MACROD2: variants seen among roughly 807,000 people sequenced by gnomAD.
The protein encoded by MACROD2 is ADP-ribose glycohydrolase MACROD2.
A neutral mutation model predicts 70.4 loss-of-function variants in MACROD2; 36 were observed. The observed-to-expected ratio is 0.51, with a 90% CI of 0.39 to 0.68. The LOEUF (loss-of-function observed/expected upper bound fraction) is 0.68, where lower values mean the gene tolerates loss of function less well. Ranked by LOEUF, MACROD2 falls within the 30% of genes least tolerant of loss-of-function variation. The pLI is 0.00. For missense variants in MACROD2, 496 were observed against 538.4 expected (o/e 0.92, Z 0.78); for synonymous variants, 172 against 178.8 (o/e 0.96, Z 0.30).
chr20:14,806,999 T>A (rs2072647403), intron 5 of MACROD2, among the ~76,000 whole-genome samples: 1 of 151,590 alleles, frequency 6.6e-6, no homozygotes, highest in African/African-American at 2.4e-5. Flanking sequence ...GGAGAAGGAG[T>A]GGCTGTAGGC....
chr20:15,575,920 TA>T (rs1460621367), intron 8 of MACROD2, among the ~76,000 whole-genome samples: 3 of 152,226 alleles, frequency 2.0e-5, no homozygotes, highest in Admixed American at 2.0e-4. Flanking sequence ...GTTTACTTTA[TA>T]TATTTTAAAA....
At chr20:14,102,723 G>A (rs1323522035) in intron 3 of MACROD2, among the ~76,000 whole-genome samples, 1 of 152,168 alleles carries the variant, frequency 6.6e-6, no homozygotes, top group Non-Finnish European at 1.5e-5. Context: ...GTTTGAGTAG[G>A]TGATGGATGG....
At chr20:14,304,687 G>A (rs1231986067) in intron 3 of MACROD2, among the ~76,000 whole-genome samples, 7 of 151,804 alleles carry the variant, frequency 4.6e-5, no homozygotes, top group Non-Finnish European at 5.9e-5. Context: ...GGTCAATCCA[G>A]CCATCTACTC....
At chr20:14,457,915 C>A (rs1436482918) in intron 3 of MACROD2, among the ~76,000 whole-genome samples, 1 of 152,036 alleles carries the variant, frequency 6.6e-6, no homozygotes, top group African/African-American at 2.4e-5. Flanking sequence ...GCCTGGCCAA[C>A]ATGGTGAAAC....
intron 5 of MACROD2, among the ~76,000 whole-genome samples, chr20:15,022,024 C>T (rs1451962159): frequency 6.6e-6 from 1 of 152,116 alleles, no homozygotes; most frequent in East Asian, 1.9e-4. Flanking sequence ...TAAAAAAATA[C>T]ATACATTTAT....
At chr20:14,887,900 T>C (rs1053663155) in intron 5 of MACROD2, among the ~76,000 whole-genome samples, 8 of 150,914 alleles carry the variant, frequency 5.3e-5, no homozygotes, top group Non-Finnish European at 1.5e-5. Flanking sequence ...CTCTTTTGTT[T>C]AAACTATAAA....
intron 8 of MACROD2, among the ~76,000 whole-genome samples, chr20:15,707,506 G>A (rs1339753619): frequency 6.6e-6 from 1 of 152,182 alleles, no homozygotes; most frequent in African/African-American, 2.4e-5. Context: ...TTGCAAGGCT[G>A]GGCAAGGTGG....
intron 15 of MACROD2, among the ~76,000 whole-genome samples, chr20:16,036,742 A>C (rs1429864984): frequency 6.6e-6 from 1 of 152,020 alleles, no homozygotes; most frequent in Non-Finnish European, 1.5e-5. Context: ...TTCCACATGC[A>C]TGACACAGTA....
intron 2 of MACROD2, among the ~76,000 whole-genome samples, chr20:14,026,115 T>C (rs2053160856): frequency 6.6e-6 from 1 of 152,194 alleles, no homozygotes; most frequent in African/African-American, 2.4e-5. Flanking sequence ...TCTTTGTCTT[T>C]TTTGATCTTT....
At chr20:15,815,729 G>A (rs1257440283) in intron 8 of MACROD2, among the ~76,000 whole-genome samples, 8 of 152,090 alleles carry the variant, frequency 5.3e-5, no homozygotes, top group Admixed American at 5.2e-4. Flanking sequence ...TTTTTAAGTT[G>A]AAGTTATATG....
chr20:15,123,268 A>T (rs2076043455), intron 5 of MACROD2, among the ~76,000 whole-genome samples: 1 of 152,172 alleles, frequency 6.6e-6, no homozygotes, highest in Admixed American at 6.5e-5. Context: ...CTTAGGAAGA[A>T]GGAAACACTA....
intron 5 of MACROD2, among the ~76,000 whole-genome samples, chr20:14,722,890 C>CA (rs1311149834): frequency 6.6e-6 from 1 of 152,028 alleles, no homozygotes; most frequent in African/African-American, 2.4e-5. Context: ...TTATATCAGA[C>CA]AAAAAAATAA....
At chr20:14,048,284 GA>G (rs1455992140) in intron 2 of MACROD2, among the ~76,000 whole-genome samples, 5 of 152,142 alleles carry the variant, frequency 3.3e-5, no homozygotes, top group Non-Finnish European at 7.3e-5. Flanking sequence ...CAATATGCAA[GA>G]AAACAGTAAC....
intron 4 of MACROD2, among the ~76,000 whole-genome samples, chr20:14,634,964 C>T (rs954181995): frequency 2.6e-5 from 4 of 152,142 alleles, no homozygotes; most frequent in Non-Finnish European, 5.9e-5. Context: ...TTCTAGTCTT[C>T]TTTGCCAGAG....
chr20:15,499,706 A>G (rs780424159), intron 7 of MACROD2, 68 bp from the exon 8 acceptor site: 11 of 1,403,748 alleles, frequency 7.8e-6, no homozygotes, highest in Non-Finnish European at 1.0e-5. Flanking sequence ...CCAGTATCAT[A>G]GCGTGATTAG....
In MACROD2 at chr20:14,844,255, G is replaced by A. The variant is rs139060108; in HGVS notation, c.418+159296G>A. On this transcript the variant is annotated intron_variant, in intron 5 of 17. Coordinates refer to ENST00000684519, the MANE Select transcript of MACROD2 (RefSeq NM_001351661.2). ...GGCAAAGTACTGGTTCAAAAAAGTT[G>A]ATAGTCCCAGCACTTTGGGAGGCTG... is the stretch of plus-strand genomic sequence containing the variant. Among the ~76,000 whole-genome samples the A allele has an allele frequency of 3.5e-3, 534 of 152,028 alleles. 2 individuals carry two copies. The highest frequency in any genetic ancestry group is 0.012 in the African/African-American group (512 of 41,476).
chr20:14,184,098 T>C (rs957197701), intron 3 of MACROD2, among the ~76,000 whole-genome samples: 1 of 152,198 alleles, frequency 6.6e-6, no homozygotes, highest in African/African-American at 2.4e-5. Flanking sequence ...CGTCATGAAA[T>C]CTTTGCTTGT....
chr20:15,104,246 A>G (rs2075894624), intron 5 of MACROD2, among the ~76,000 whole-genome samples: 1 of 152,134 alleles, frequency 6.6e-6, no homozygotes, highest in Admixed American at 6.5e-5. Flanking sequence ...AGACTCTTCC[A>G]GAAAGAAATA....
At chr20:14,506,114 A>G (rs2084966843) in intron 4 of MACROD2, among the ~76,000 whole-genome samples, 2 of 152,160 alleles carry the variant, frequency 1.3e-5, no homozygotes, top group South Asian at 4.1e-4. Context: ...TGAGTGATTA[A>G]TACGCCCTGA....
Sources: gnomAD v4.1 joint callset for allele counts (sites outside exome capture counted in the v4.1 genomes callset) on GRCh38, gnomAD v4.1.1 for gene constraint, MANE v1.5 for transcripts, NCBI Gene and HGNC (gene_info 2026-07-23, HGNC 2026-07-21) for gene names.